Variants in OPCML observed in about 807,000 individuals in gnomAD.
OPCML encodes opioid binding protein/cell adhesion molecule like, also known as opioid-binding protein/cell adhesion molecule.
In OPCML, 13 loss-of-function variants were observed where a neutral mutation model predicts 37.8. The ratio of observed to expected loss-of-function variants is 0.34; its 90% CI spans 0.22 to 0.55. The LOEUF (loss-of-function observed/expected upper bound fraction) is 0.55. Ranked by LOEUF, OPCML falls within the 20% of genes least tolerant of loss-of-function variation. OPCML has a pLI of 0.91. For synonymous variants in OPCML, 176 were observed against 168.8 expected, an observed-to-expected ratio of 1.04 and a Z score of -0.33; for missense variants, 341 against 435.6, an observed-to-expected ratio of 0.78 and a Z score of 1.93.
At chr11:133,316,758 A>G (rs909599533) in intron 1 of OPCML, among the ~76,000 whole-genome samples, 1 of 152,238 alleles carries the variant, frequency 6.6e-6, no homozygotes. Context: ...TGCATGTTAT[A>G]TATGCGGGGA....
chr11:132,899,493 T>C (rs1591774059), intron 2 of OPCML, among the ~76,000 whole-genome samples: 1 of 152,214 alleles, frequency 6.6e-6, no homozygotes, highest in East Asian at 1.9e-4. Context: ...TTTTCAGTTG[T>C]ATGCAGATAG....
At chr11:132,628,511 G>A (rs2135681749) in intron 3 of OPCML, among the ~76,000 whole-genome samples, 1 of 152,196 alleles carries the variant, frequency 6.6e-6, no homozygotes, top group South Asian at 2.1e-4. Flanking sequence ...AATAGGAAAG[G>A]ACTCACCTGT....
chr11:133,206,679 G>C lies in OPCML; in HGVS notation c.62-263669C>G, dbSNP rs1286214727. ...GAGCAAAGGCTGTGCTCTCCTGCTC[G>C]ATGAAGCTTCTATCTGTGTATCCTG... On this transcript the variant is annotated intron_variant, in intron 1 of 7. Transcript: ENST00000524381. The surrounding 1 kb of genome is among the most constrained non-coding windows in gnomAD (Gnocchi z 4.7). Among the ~76,000 whole-genome samples, 2 of 152,162 alleles carry C rather than the reference G, an allele frequency of 1.3e-5. No individual in the cohort carries two copies. Among genetic ancestry groups the C allele is most frequent in the Non-Finnish European group, 2.9e-5 (2 of 68,030 alleles).
At chr11:133,088,925 T>C (rs767202794) in intron 1 of OPCML, among the ~76,000 whole-genome samples, 17 of 152,182 alleles carry the variant, frequency 1.1e-4, no homozygotes, top group Non-Finnish European at 2.1e-4. Flanking sequence ...GCAAGTGATA[T>C]CAATCATCTA....
chr11:133,040,972 A>C (rs1476133390), intron 1 of OPCML, among the ~76,000 whole-genome samples: 1 of 152,236 alleles, frequency 6.6e-6, no homozygotes, highest in Non-Finnish European at 1.5e-5. Flanking sequence ...GCAGGGAAGG[A>C]ATCAGGAAGC....
intron 1 of OPCML, among the ~76,000 whole-genome samples, chr11:133,272,963 C>A (rs1373745754): frequency 1.3e-5 from 2 of 152,128 alleles, no homozygotes; most frequent in Non-Finnish European, 2.9e-5. Flanking sequence ...TTTCTCTTTG[C>A]TCTCAATAAG....
At chr11:132,606,364 C>T (rs1467545175) in intron 3 of OPCML, among the ~76,000 whole-genome samples, 1 of 152,170 alleles carries the variant, frequency 6.6e-6, no homozygotes, top group Non-Finnish European at 1.5e-5. Context: ...GCTGTCCAGA[C>T]CTCCCAGACA....
At chr11:133,007,441 C>A in intron 1 of OPCML, 1 of 985,382 alleles carries the variant, frequency 1.0e-6, no homozygotes, top group Non-Finnish European at 1.2e-6. Flanking sequence ...TTTTTTATCT[C>A]CAAAATGCAC....
chr11:133,063,033 T>TG, intron 1 of OPCML, among the ~76,000 whole-genome samples: 1 of 152,220 alleles, frequency 6.6e-6, no homozygotes, highest in Non-Finnish European at 1.5e-5. Flanking sequence ...CATGGGGCTT[T>TG]GGGGTCATGG....
At chr11:132,837,384 C>T (rs556389875) in intron 2 of OPCML, among the ~76,000 whole-genome samples, 5 of 152,236 alleles carry the variant, frequency 3.3e-5, no homozygotes, top group Admixed American at 6.5e-5. Flanking sequence ...AGAGAAGAGA[C>T]TTTCAGTGGC....
At chr11:132,661,054 G>A (rs1941954337) in intron 2 of OPCML, among the ~76,000 whole-genome samples, 2 of 152,052 alleles carry the variant, frequency 1.3e-5, no homozygotes, top group Non-Finnish European at 2.9e-5. Context: ...GAGTAAGGGT[G>A]GACTTTGAAA....
intron 2 of OPCML, among the ~76,000 whole-genome samples, chr11:132,921,823 C>G (rs1036705843): frequency 6.6e-6 from 1 of 152,178 alleles, no homozygotes; most frequent in Non-Finnish European, 1.5e-5. Flanking sequence ...GGAAACCATT[C>G]CTGGAACTGC....
intron 2 of OPCML, among the ~76,000 whole-genome samples, chr11:132,782,328 T>G (rs1947060542): frequency 1.3e-5 from 2 of 151,896 alleles, no homozygotes; most frequent in South Asian, 4.1e-4. Flanking sequence ...TGCATGGCCC[T>G]GGCATGGCAC....
chr11:133,495,105 C>G (rs190152919), intron 1 of OPCML, among the ~76,000 whole-genome samples: 1 of 151,992 alleles, frequency 6.6e-6, no homozygotes, highest in Non-Finnish European at 1.5e-5. Flanking sequence ...CATTCTTATG[C>G]CTTTGCATCC....
At chr11:132,885,160 C>G (rs1345535906) in intron 2 of OPCML, among the ~76,000 whole-genome samples, 1 of 152,230 alleles carries the variant, frequency 6.6e-6, no homozygotes, top group Non-Finnish European at 1.5e-5. Context: ...CATAAGACCT[C>G]TTCTTAAATG....
chr11:133,442,064 C>T (rs544077082), intron 1 of OPCML, among the ~76,000 whole-genome samples: 2 of 152,134 alleles, frequency 1.3e-5, no homozygotes, highest in Non-Finnish European at 2.9e-5. Flanking sequence ...AATTTTGAAG[C>T]CTTACAACCA....
At chr11:133,405,481 G>C (rs999950204) in intron 1 of OPCML, among the ~76,000 whole-genome samples, 1 of 152,114 alleles carries the variant, frequency 6.6e-6, no homozygotes, top group Non-Finnish European at 1.5e-5. Flanking sequence ...TCTGCATTTG[G>C]GTCTTCCTTT....
At chr11:132,878,824 T>A (rs1176341339) in intron 2 of OPCML, among the ~76,000 whole-genome samples, 5 of 152,186 alleles carry the variant, frequency 3.3e-5, no homozygotes. Flanking sequence ...AACTTTTAGA[T>A]CTGGGATGTT....
intron 2 of OPCML, among the ~76,000 whole-genome samples, chr11:132,843,782 C>T (rs927964739): frequency 4.6e-5 from 7 of 152,156 alleles, no homozygotes; most frequent in Admixed American, 1.3e-4. Flanking sequence ...GCCGATTGTA[C>T]CTGACCACAT....
Sources: allele counts gnomAD v4.1 joint callset (sites outside exome capture counted in the v4.1 genomes callset), GRCh38; gene constraint gnomAD v4.1.1; non-coding constraint Gnocchi (gnomAD v3.1); transcripts MANE v1.5; gene names NCBI Gene and HGNC (gene_info 2026-07-23, HGNC 2026-07-21).